MACROD2: variants seen among roughly 807,000 people sequenced by gnomAD.
MACROD2 encodes the protein ADP-ribose glycohydrolase MACROD2.
MACROD2 carries 36 observed loss-of-function variants against 70.4 expected under a neutral mutation model. The observed-to-expected ratio is 0.51, with a 90% confidence interval of 0.39 to 0.68. The LOEUF (loss-of-function observed/expected upper bound fraction) is 0.68, where lower values mean the gene tolerates loss of function less well. MACROD2 is among the 30% of genes least tolerant of loss of function. The pLI is 0.00. For missense variants in MACROD2, 496 were observed against 538.4 expected, an observed-to-expected ratio of 0.92 and a Z score of 0.78; for synonymous variants, 172 against 178.8, an observed-to-expected ratio of 0.96 and a Z score of 0.30.
intron 8 of MACROD2, among the ~76,000 whole-genome samples, chr20:15,792,764 G>T (rs570301744): frequency 1.3e-5 from 2 of 152,124 alleles, no homozygotes; most frequent in Admixed American, 6.5e-5. Context: ...GGTCATATGC[G>T]CAGAAGTCTG....
chr20:16,033,790 T>A (rs1402517627), intron 15 of MACROD2, among the ~76,000 whole-genome samples: 1 of 149,618 alleles, frequency 6.7e-6, no homozygotes, highest in Non-Finnish European at 1.5e-5. Context: ...TCACTAATAG[T>A]GACACCTCTG....
intron 3 of MACROD2, among the ~76,000 whole-genome samples, chr20:14,346,303 GT>G (rs1157106192): frequency 1.3e-5 from 2 of 152,058 alleles, no homozygotes; most frequent in Admixed American, 1.3e-4. Context: ...TGAATGTAGT[GT>G]TTCTATTTTG....
At chr20:14,090,521 C>T (rs1329017245) in intron 3 of MACROD2, among the ~76,000 whole-genome samples, 1 of 150,610 alleles carries the variant, frequency 6.6e-6, no homozygotes, top group Admixed American at 6.6e-5. Flanking sequence ...TGCAATGAGC[C>T]GAGATTGCAC....
chr20:14,157,099 C>T (rs543738372), intron 3 of MACROD2, among the ~76,000 whole-genome samples: 1 of 152,140 alleles, frequency 6.6e-6, no homozygotes, highest in South Asian at 2.1e-4. Context: ...TTAGACTGGG[C>T]AAAATTAAAC....
intron 7 of MACROD2, among the ~76,000 whole-genome samples, chr20:15,490,831 T>C (rs2047223124): frequency 6.6e-6 from 1 of 152,130 alleles, no homozygotes; most frequent in Non-Finnish European, 1.5e-5. Flanking sequence ...ATGGGAGTGA[T>C]AGAAGCAAGG....
chr20:15,676,548 C>A (rs1206217293), intron 8 of MACROD2, among the ~76,000 whole-genome samples: 1 of 152,156 alleles, frequency 6.6e-6, no homozygotes, highest in Non-Finnish European at 1.5e-5. Context: ...TCCCTCCCAC[C>A]CTACCTCCAG....
chr20:14,317,186 T>C (rs2082619245), intron 3 of MACROD2, among the ~76,000 whole-genome samples: 1 of 152,232 alleles, frequency 6.6e-6, no homozygotes. Context: ...GCTGACTCTT[T>C]ATCTCTCGGG....
intron 5 of MACROD2, among the ~76,000 whole-genome samples, chr20:14,739,217 G>A (rs1414440170): frequency 1.3e-5 from 2 of 151,936 alleles, no homozygotes; most frequent in Non-Finnish European, 2.9e-5. Flanking sequence ...TCTAGTATGA[G>A]AAATTATGAT....
chr20:15,469,342 C>G lies in MACROD2; in HGVS notation c.572-30432C>G, dbSNP rs1271404318. Among the ~76,000 whole-genome samples, 3 of 152,120 alleles carry G rather than the reference C, an allele frequency of 2.0e-5. No homozygotes were observed. The East Asian group carries it at 5.8e-4, about 29-fold the overall frequency. ...TTTGCAGGAAGAAAAGAAGGTAGCA[C>G]AGGTGAGGGCATGGAAACTGGAACA... On this transcript the variant is annotated intron_variant, in intron 7 of 17. Coordinates refer to ENST00000684519, the MANE Select transcript of MACROD2 (RefSeq NM_001351661.2).
At chr20:14,467,160 C>A (rs1220727308) in intron 3 of MACROD2, among the ~76,000 whole-genome samples, 3 of 152,154 alleles carry the variant, frequency 2.0e-5, no homozygotes, top group Non-Finnish European at 4.4e-5. Flanking sequence ...AGGCAGGCCT[C>A]CTTGAGCTGT....
chr20:14,791,442 T>C (rs1196683913), intron 5 of MACROD2, among the ~76,000 whole-genome samples: 2 of 152,118 alleles, frequency 1.3e-5, no homozygotes, highest in African/African-American at 2.4e-5. Context: ...CAGGATGGAA[T>C]AGTGGGATAA....
chr20:14,120,201 G>A (rs1165430309), intron 3 of MACROD2, among the ~76,000 whole-genome samples: 6 of 104,974 alleles, frequency 5.7e-5, no homozygotes, highest in African/African-American at 1.5e-4. Context: ...TGACAAGAGT[G>A]AGACTCCGTC....
intron 13 of MACROD2, among the ~76,000 whole-genome samples, chr20:15,979,902 G>A (rs994772579): frequency 3.3e-5 from 5 of 152,172 alleles, no homozygotes; most frequent in Admixed American, 3.3e-4. Flanking sequence ...AAACTTCTCA[G>A]ACACCAAGTT....
intron 5 of MACROD2, among the ~76,000 whole-genome samples, chr20:15,027,499 C>T (rs990401629): frequency 5.9e-5 from 9 of 151,720 alleles, no homozygotes; most frequent in African/African-American, 1.9e-4. Flanking sequence ...GACACTTAAT[C>T]TATTTTAGCC....
intron 8 of MACROD2, among the ~76,000 whole-genome samples, chr20:15,613,528 A>C (rs865797346): frequency 6.6e-6 from 1 of 152,224 alleles, no homozygotes; most frequent in Non-Finnish European, 1.5e-5. Context: ...TGCCCCCTGC[A>C]TTAGCATGTG....
intron 6 of MACROD2, among the ~76,000 whole-genome samples, chr20:15,348,398 T>C (rs567626392): frequency 6.6e-6 from 1 of 152,250 alleles, no homozygotes; most frequent in East Asian, 1.9e-4. Context: ...AAATTTGAGG[T>C]TTGATCTTTT....
chr20:14,544,432 CTT>C (rs1163789950), intron 4 of MACROD2, among the ~76,000 whole-genome samples: 1 of 151,854 alleles, frequency 6.6e-6, no homozygotes, highest in African/African-American at 2.4e-5. Flanking sequence ...CCATGTCTCT[CTT>C]TTTTCGGCTA....
chr20:15,737,492 A>G (rs1313015541), intron 8 of MACROD2, among the ~76,000 whole-genome samples: 1 of 152,218 alleles, frequency 6.6e-6, no homozygotes, highest in African/African-American at 2.4e-5. Flanking sequence ...TATGGTGGGA[A>G]ACACCAACAA....
At chr20:15,277,145 C>G (rs2077400750) in intron 6 of MACROD2, among the ~76,000 whole-genome samples, 1 of 152,192 alleles carries the variant, frequency 6.6e-6, no homozygotes, top group Admixed American at 6.5e-5. Context: ...TGGCAACCAT[C>G]CCATCATGGT....
Sources: gnomAD v4.1 joint callset for allele counts (sites outside exome capture counted in the v4.1 genomes callset) on GRCh38, gnomAD v4.1.1 for gene constraint, MANE v1.5 for transcripts, NCBI Gene and HGNC (gene_info 2026-07-23, HGNC 2026-07-21) for gene names.